Variants in MMUT observed in about 807,000 individuals in gnomAD.
The protein encoded by MMUT is methylmalonyl-CoA mutase, mitochondrial.
Under a neutral mutation model 79.9 loss-of-function variants are expected in MMUT, and 79 were observed. That is an observed-to-expected ratio of 0.99 (90% CI 0.82 to 1.19). The LOEUF is 1.19. Ranked by LOEUF, MMUT falls within the 50% of genes most tolerant of loss-of-function variation. The pLI is 0.00. For missense variants in MMUT, 860 were observed against 917.2 expected, an observed-to-expected ratio of 0.94 and a Z score of 0.81; for synonymous variants, 273 against 295.7, an observed-to-expected ratio of 0.92 and a Z score of 0.79.
rs377481325 is a variant in MMUT, at chr6:49,453,763, T to C, written c.912-7A>G. ...TCCCCAGAAGAAAGACAACCTAAAA[T>C]AGTAACGTTAGGTCCAGAATTTAAT... On this transcript the variant is annotated splice_region_variant and splice_polypyrimidine_tract_variant and intron_variant, in intron 4 of 12. Transcript: ENST00000274813. 1.1e-5 allele frequency: 18 copies of C among 1,608,108 alleles called. No homozygotes were observed. Among genetic ancestry groups the C allele is most frequent in the Admixed American group, 1.7e-5 (1 of 59,958 alleles).
chr6:49,446,854 G>T (rs898048900), intron 8 of MMUT, among the ~76,000 whole-genome samples: 5 of 151,330 alleles, frequency 3.3e-5, no homozygotes, highest in African/African-American at 7.3e-5. Flanking sequence ...AATACTATTA[G>T]ATTTTTATAG....
At position 49,455,334 on chromosome 6, in the gene MMUT, A is replaced by T. The variant is rs1251921967; in HGVS notation, c.911+746T>A. Among the ~76,000 whole-genome samples the T allele has an allele frequency of 5.9e-5, 9 of 152,188 alleles. 1 individual carries two copies. The highest frequency in any genetic ancestry group is 1.5e-5 in the Non-Finnish European group (1 of 68,042). ...AAAAGGCAAATAAAGCTCTAACATAAGCATAAAAACAGTTTTGATCTCAAA... is the reference window on the plus strand; with the variant it reads ...AAAAGGCAAATAAAGCTCTAACATATGCATAAAAACAGTTTTGATCTCAAA... On this transcript the variant is annotated intron_variant, in intron 4 of 12. Transcript: ENST00000274813.
intron 6 of MMUT, 143 bp downstream of exon 6, chr6:49,451,323 T>A (rs1178005565): frequency 1.0e-6 from 1 of 952,682 alleles, no homozygotes; most frequent in Non-Finnish European, 1.5e-6. Flanking sequence ...TTTGCAAACA[T>A]CGTTTAAATT....
intron 7 of MMUT, 35 bp downstream of exon 7, chr6:49,448,781 C>A (rs370955428): frequency 1.4e-6 from 2 of 1,480,696 alleles, no homozygotes; most frequent in African/African-American, 2.8e-5. Flanking sequence ...TTTTTAACTA[C>A]TGGATTTCAT....
At chr6:49,433,677 C>A (rs561909809) in intron 12 of MMUT, among the ~76,000 whole-genome samples, 4 of 152,080 alleles carry the variant, frequency 2.6e-5, no homozygotes, top group Admixed American at 2.6e-4. Context: ...CACGTTTATT[C>A]ATTTAATCAG....
chr6:49,446,962 A>T (rs965080555), intron 8 of MMUT, among the ~76,000 whole-genome samples: 1 of 151,916 alleles, frequency 6.6e-6, no homozygotes, highest in African/African-American at 2.4e-5. Flanking sequence ...AAACAGCAGT[A>T]CTTACAAATG....
At chr6:49,443,627 T>C (rs895877099) in intron 9 of MMUT, among the ~76,000 whole-genome samples, 1 of 152,004 alleles carries the variant, frequency 6.6e-6, no homozygotes, top group African/African-American at 2.4e-5. Flanking sequence ...TTTATTTATA[T>C]ATGATACATA....
rs1372887395 is a variant in MMUT at position 49,447,796 on chromosome 6, C to T, written c.1445-11G>A. On this transcript the variant is annotated splice_polypyrimidine_tract_variant and intron_variant, in intron 7 of 12. Coordinates refer to ENST00000274813, the MANE Select transcript of MMUT (RefSeq NM_000255.4). ...CAATTACTTCAGAACCTGGTAATTT[C>T]CCAAAGAAAAATTTTATTCACAAAT... 2.0e-6 allele frequency: 3 copies of T among 1,486,920 alleles called. No individual in the cohort carries two copies. Among genetic ancestry groups the T allele is most frequent in the South Asian group, 1.1e-5 (1 of 88,520 alleles). 92.1% of individuals were successfully genotyped at this position (1,486,920 alleles called of 1,614,324 possible).
rs1426302868 is a variant in MMUT, at chr6:49,451,397, T to C, written c.1332+69A>G. Reference sequence around the variant, plus strand: ...AAATCTATAAATCTTGACTTGTAAGTTTTAAAATCTATAAATCTTTACAAA... The same window carrying C: ...AAATCTATAAATCTTGACTTGTAAGCTTTAAAATCTATAAATCTTTACAAA... On this transcript the variant is annotated intron_variant, in intron 6 of 12. Transcript: ENST00000274813. The C allele has an allele frequency of 2.6e-6, 4 of 1,521,070 alleles. No individual in the cohort carries two copies. In the Admixed American group the frequency reaches 7.3e-5, roughly 28 times the overall value. The allele number at this position is 1,521,070 out of a possible 1,614,324, so 94.2% of individuals were successfully genotyped here. A position where few individuals can be genotyped will look rare whatever the true frequency, so the allele number is the denominator to read the frequency against.
In MMUT at chr6:49,453,660, CATTTTCTCTATT is replaced by C; in HGVS notation, c.996_1007del (p.Ile333_Met336del). 1 of 1,613,108 alleles carries C rather than the reference CATTTTCTCTATT, an allele frequency of 6.2e-7. No homozygotes were observed. Among genetic ancestry groups the C allele is most frequent in the Non-Finnish European group, 8.5e-7 (1 of 1,179,468 alleles). On this transcript the variant is annotated inframe_deletion, in exon 5 of 13. Transcript: ENST00000274813. ...GAGATTTTGAGTTTTTAGGCTGAAA[CATTTTCTCTATT>C]AAGTGAGCCCAGAGTCTTCTACCAG...
Position 49,431,758 on chromosome 6 carries a change from CT to C in MMUT, c.2222del (p.Lys741SerfsTer17). On this transcript the variant is annotated frameshift_variant, in exon 13 of 13. Coordinates refer to ENST00000274813, the MANE Select transcript of MMUT (RefSeq NM_000255.4). LOFTEE classifies it high-confidence loss of function. ...AAVQVLDDIE[K>X]CLEKKQQSV ...CAGATTGCTGCTTCTTTTCCAAACA[CT>C]TCTCAATATCATCAAGCACCTGAAC... 1 of 1,613,918 alleles carries C rather than the reference CT, an allele frequency of 6.2e-7. No individual in the cohort carries two copies. The highest frequency in any genetic ancestry group is 8.5e-7 in the Non-Finnish European group (1 of 1,179,892).
intron 11 of MMUT, 66 bp downstream of exon 11, chr6:49,440,140 A>G: frequency 6.4e-7 from 1 of 1,573,098 alleles, no homozygotes; most frequent in Non-Finnish European, 8.7e-7. Context: ...TCATCATTTT[A>G]CTACATTTTC....
chr6:49,457,801 C>T lies in MMUT; in HGVS notation c.643G>A (p.Gly215Ser), dbSNP rs121918258. The T allele has an allele frequency of 1.2e-6, 2 of 1,613,538 alleles. No individual in the cohort carries two copies. Among genetic ancestry groups the T allele is most frequent in the Non-Finnish European group, 1.7e-6 (2 of 1,179,594 alleles). The change falls in exon 3 of 13, where the codon GGT (glycine) becomes AGT (serine). Residue 215 changes from glycine to serine, a missense_variant. By Grantham distance (56) the Gly-to-Ser change is moderately conservative. Transcript: ENST00000274813. ...EQGVPKEKLTGTIQNDILKEF... is the reference protein window; with the variant it reads ...EQGVPKEKLTSTIQNDILKEF... ...TTTAGTATATCATTTTGGATGGTAC[C>T]AGTAAGCTTCTCTTTAGGTACACCT...
chr6:49,461,166 A>AGC (rs1767830338), intron 1 of MMUT, among the ~76,000 whole-genome samples: 1 of 152,196 alleles, frequency 6.6e-6, no homozygotes, highest in Non-Finnish European at 1.5e-5. Context: ...AGTCAGAAGA[A>AGC]TGGTTACTTA....
chr6:49,440,168 T>A (rs539285497), intron 11 of MMUT, 38 bp downstream of exon 11: 2 of 1,611,656 alleles, frequency 1.2e-6, no homozygotes, highest in Non-Finnish European at 1.7e-6. Flanking sequence ...AAGTGACTAG[T>A]AAATACTTTT....
intron 9 of MMUT, among the ~76,000 whole-genome samples, chr6:49,442,771 T>C (rs549170984): frequency 2.0e-5 from 3 of 152,164 alleles, no homozygotes; most frequent in Admixed American, 2.0e-4. Flanking sequence ...ATGTTTTATG[T>C]TCTAAAAATA....
chr6:49,432,892 C>T (rs1028262380), intron 12 of MMUT, among the ~76,000 whole-genome samples: 3 of 152,082 alleles, frequency 2.0e-5, no homozygotes, highest in Admixed American at 6.5e-5. Flanking sequence ...TGTTGCAGCA[C>T]CCTTTTTAAG....
chr6:49,440,408 G>C (rs201489323), intron 10 of MMUT, 55 bp from the exon 11 acceptor site: 1 of 1,556,990 alleles, frequency 6.4e-7, no homozygotes, highest in Non-Finnish European at 8.8e-7. Context: ...CCAAAGGGAA[G>C]ATATAAAAAC....
At chr6:49,440,094 A>G (rs1767232098) in intron 11 of MMUT, 112 bp downstream of exon 11, 19 of 1,360,962 alleles carry the variant, frequency 1.4e-5, no homozygotes, top group Non-Finnish European at 1.8e-5. Context: ...GCTACATACC[A>G]GTTACCAGGA....
Sources: allele counts gnomAD v4.1 joint callset (sites outside exome capture counted in the v4.1 genomes callset), GRCh38; gene constraint gnomAD v4.1.1; transcripts MANE v1.5; gene names NCBI Gene and HGNC (gene_info 2026-07-23, HGNC 2026-07-21).